Variants in LHFPL3 observed in about 807,000 individuals in gnomAD.
LHFPL3 encodes LHFPL tetraspan subfamily member 3, also known as LHFPL tetraspan subfamily member 3 protein.
A neutral mutation model predicts 19.3 loss-of-function variants in LHFPL3; 5 were observed. The ratio of observed to expected loss-of-function variants is 0.26; its 90% CI spans 0.14 to 0.54. LHFPL3 has a LOEUF of 0.54. Among genes scored for constraint, LHFPL3 ranks in the 20% least tolerant of loss-of-function variants. The probability of loss-of-function intolerance (pLI) is 0.94; values close to 1 mark genes in which losing one functional copy is unlikely to be tolerated. For synonymous variants in LHFPL3, 133 were observed against 126.2 expected (o/e 1.05, Z -0.36); for missense variants, 249 against 307.4 (o/e 0.81, Z 1.42).
intron 1 of LHFPL3, among the ~76,000 whole-genome samples, chr7:104,655,064 C>T (rs1352668432): frequency 6.6e-6 from 1 of 152,184 alleles, no homozygotes; most frequent in African/African-American, 2.4e-5. Context: ...GAAGCCTGTC[C>T]TAAGCAATGA....
intron 1 of LHFPL3, among the ~76,000 whole-genome samples, chr7:104,575,258 A>G (rs1371927197): frequency 6.6e-6 from 1 of 152,146 alleles, no homozygotes; most frequent in African/African-American, 2.4e-5. Context: ...TGGTTTTCAA[A>G]CTATTGCTGT....
At chr7:104,612,869 C>A (rs768844005) in intron 1 of LHFPL3, among the ~76,000 whole-genome samples, 9 of 152,218 alleles carry the variant, frequency 5.9e-5, no homozygotes, top group Admixed American at 2.6e-4. Flanking sequence ...GTCAATTAAC[C>A]TGTGACATTA....
At chr7:104,502,136 AAATT>A (rs1410233272) in intron 1 of LHFPL3, among the ~76,000 whole-genome samples, 30 of 152,330 alleles carry the variant, frequency 2.0e-4, no homozygotes, top group African/African-American at 5.1e-4. Context: ...TGGATATCAA[AAATT>A]AATTCAGATT....
intron 1 of LHFPL3, among the ~76,000 whole-genome samples, chr7:104,514,966 C>T (rs1395357720): frequency 1.3e-5 from 2 of 152,116 alleles, no homozygotes; most frequent in Non-Finnish European, 2.9e-5. Context: ...AAGCCCAGCC[C>T]ATGATAACTT....
At chr7:104,873,931 T>C (rs1480706406) in intron 2 of LHFPL3, among the ~76,000 whole-genome samples, 1 of 152,180 alleles carries the variant, frequency 6.6e-6, no homozygotes, top group East Asian at 1.9e-4. Context: ...ATGGCAGAAA[T>C]GGTGGGGGCA....
chr7:104,704,069 T>A (rs1793145693), intron 1 of LHFPL3, among the ~76,000 whole-genome samples: 1 of 152,224 alleles, frequency 6.6e-6, no homozygotes, highest in African/African-American at 2.4e-5. Context: ...TATCCCCTCT[T>A]ACAGTGGTGT....
rs866119080 is a variant in LHFPL3 at position 104,802,514 on chromosome 7, A to G, written c.682+65603A>G. ...CTCAAAAAAAAAAAAAAAAAAAAAAAAGAGAGAGAGAGCAAGGGAAGGCAG... is the reference window on the plus strand; with the variant it reads ...CTCAAAAAAAAAAAAAAAAAAAAAAGAGAGAGAGAGAGCAAGGGAAGGCAG... On this transcript the variant is annotated intron_variant, in intron 2 of 2. Coordinates refer to ENST00000424859, the MANE Select transcript of LHFPL3 (RefSeq NM_199000.3). Among the ~76,000 whole-genome samples, 849 of 141,390 alleles carry G rather than the reference A, an allele frequency of 6.0e-3. 8 individuals are homozygous for G. Among genetic ancestry groups the G allele is most frequent in the African/African-American group, 0.02 (746 of 38,244 alleles). 92.8% of individuals were successfully genotyped at this position (141,390 alleles called of 152,430 possible). A position where few individuals can be genotyped will look rare whatever the true frequency, so the allele number is the denominator to read the frequency against.
At chr7:104,532,797 T>C (rs1794326801) in intron 1 of LHFPL3, among the ~76,000 whole-genome samples, 3 of 152,214 alleles carry the variant, frequency 2.0e-5, no homozygotes, top group Admixed American at 2.0e-4. Flanking sequence ...ATACATACAT[T>C]CTCAAAGGCC....
chr7:104,840,422 C>T (rs1280214679), intron 2 of LHFPL3, among the ~76,000 whole-genome samples: 1 of 149,628 alleles, frequency 6.7e-6, no homozygotes, highest in Non-Finnish European at 1.5e-5. Flanking sequence ...CAGCCTCAGC[C>T]TCCGGAGTAG....
chr7:104,759,534 A>T (rs1794339722), intron 2 of LHFPL3, among the ~76,000 whole-genome samples: 1 of 152,126 alleles, frequency 6.6e-6, no homozygotes, highest in Non-Finnish European at 1.5e-5. Flanking sequence ...TATCTCATTC[A>T]CACAAGCCAC....
At chr7:104,653,659 A>T (rs1439159608) in intron 1 of LHFPL3, among the ~76,000 whole-genome samples, 1 of 152,184 alleles carries the variant, frequency 6.6e-6, no homozygotes, top group Non-Finnish European at 1.5e-5. Context: ...CCCTGCTCTA[A>T]ACCCTGGTTT....
At chr7:104,872,968 CAGT>C (rs781619087) in intron 2 of LHFPL3, among the ~76,000 whole-genome samples, 66 of 152,186 alleles carry the variant, frequency 4.3e-4, no homozygotes, top group African/African-American at 6.8e-4. Context: ...ACTGGCAGCG[CAGT>C]AGATTTGTTT....
At chr7:104,855,774 C>G (rs1339999776) in intron 2 of LHFPL3, among the ~76,000 whole-genome samples, 1 of 152,062 alleles carries the variant, frequency 6.6e-6, no homozygotes, top group Non-Finnish European at 1.5e-5. Flanking sequence ...CAGGTGCACG[C>G]CACCACACCA....
intron 1 of LHFPL3, among the ~76,000 whole-genome samples, chr7:104,358,484 T>C (rs1366723736): frequency 2.6e-5 from 4 of 152,228 alleles, no homozygotes; most frequent in African/African-American, 9.6e-5. Context: ...TTTTGACAAG[T>C]GCCAGCCTTA....
chr7:104,598,452 A>C, intron 1 of LHFPL3, among the ~76,000 whole-genome samples: 1 of 152,216 alleles, frequency 6.6e-6, no homozygotes, highest in East Asian at 1.9e-4. Context: ...CTTGAAGACA[A>C]AGCACAGTCA....
intron 2 of LHFPL3, among the ~76,000 whole-genome samples, chr7:104,788,542 A>T (rs1035722447): frequency 6.6e-6 from 1 of 152,154 alleles, no homozygotes; most frequent in Admixed American, 6.5e-5. Context: ...TAAATTATAC[A>T]TGTGAGAAGA....
chr7:104,863,487 C>T (rs1381427942), intron 2 of LHFPL3, among the ~76,000 whole-genome samples: 1 of 152,210 alleles, frequency 6.6e-6, no homozygotes, highest in Non-Finnish European at 1.5e-5. Context: ...TATCTCTTCA[C>T]TTGGGATCTG....
At chr7:104,873,482 AGGC>A (rs1791873437) in intron 2 of LHFPL3, among the ~76,000 whole-genome samples, 3 of 148,620 alleles carry the variant, frequency 2.0e-5, no homozygotes, top group African/African-American at 7.6e-5. Context: ...AAAATTAGCC[AGGC>A]GTGCGGTAGC....
intron 1 of LHFPL3, among the ~76,000 whole-genome samples, chr7:104,677,416 A>G (rs1792612198): frequency 6.6e-6 from 1 of 152,124 alleles, no homozygotes; most frequent in African/African-American, 2.4e-5. Context: ...TAGTGAAACT[A>G]TATGGGCTAT....
Sources: gnomAD v4.1 joint callset for allele counts (sites outside exome capture counted in the v4.1 genomes callset) on GRCh38, gnomAD v4.1.1 for gene constraint, MANE v1.5 for transcripts, NCBI Gene and HGNC (gene_info 2026-07-23, HGNC 2026-07-21) for gene names.